Variants in EIF1AX observed in about 807,000 individuals in gnomAD.
EIF1AX encodes eukaryotic translation initiation factor 1A X-linked, also known as eukaryotic translation initiation factor 1A, X-chromosomal.
EIF1AX carries 1 observed loss-of-function variant against 16.1 expected under a neutral mutation model. That is an observed-to-expected ratio of 0.06 (90% CI 0.02 to 0.30). EIF1AX has a LOEUF of 0.30. Ranked by LOEUF, EIF1AX falls within the 10% of genes least tolerant of loss-of-function variation. The pLI is 1.00. For missense variants in EIF1AX, 11 were observed against 109.1 expected, an observed-to-expected ratio of 0.10 and a Z score of 4.00; for synonymous variants, 32 against 37.3, an observed-to-expected ratio of 0.86 and a Z score of 0.51.
intron 4 of EIF1AX, among the ~76,000 whole-genome samples, chrX:20,133,755 T>C (rs2067007762): frequency 8.9e-6 from 1 of 111,906 alleles, no homozygotes; most frequent in Non-Finnish European, 1.9e-5. Context: ...CTTAACTCTC[T>C]CCACTACCAG....
Position 20,126,046 on chromosome X carries a change from G to C in EIF1AX, c.*2260C>G, listed in dbSNP as rs1264400176. On this transcript the variant is annotated 3_prime_UTR_variant, in exon 7 of 7. Coordinates refer to ENST00000379607, the MANE Select transcript of EIF1AX (RefSeq NM_001412.4). ...TCTAACTGCAAGTGGAATAAACATTGCAACAAAAATGCAACCCAATCAAAA... is the reference window on the plus strand; with the variant it reads ...TCTAACTGCAAGTGGAATAAACATTCCAACAAAAATGCAACCCAATCAAAA... The C allele has an allele frequency of 7.7e-6, 1 of 130,028 alleles. No homozygotes were observed. The highest frequency in any genetic ancestry group is 3.4e-5 in the African/African-American group (1 of 29,792). 10.7% of individuals were successfully genotyped at this position (130,028 alleles called of 1,213,427 possible).
At position 20,124,953 on chromosome X, in the gene EIF1AX, A is replaced by C; in HGVS notation, c.*3353T>G. 1 of 150,818 alleles carries C rather than the reference A, an allele frequency of 6.6e-6. No individual in the cohort carries two copies. The highest frequency in any genetic ancestry group is 1.0e-4 in the East Asian group (1 of 9,642). 12.4% of individuals were successfully genotyped at this position (150,818 alleles called of 1,213,427 possible). On this transcript the variant is annotated 3_prime_UTR_variant, in exon 7 of 7. Transcript: ENST00000379607. Reference sequence around the variant, plus strand: ...ACAGAAGACATGCACCTTCTATCTTACATAGTACTGGATATCAAGTGAAAA... The same window carrying C: ...ACAGAAGACATGCACCTTCTATCTTCCATAGTACTGGATATCAAGTGAAAA...
chrX:20,132,442 G>A (rs1181546120), intron 4 of EIF1AX, among the ~76,000 whole-genome samples, 179 bp from the exon 5 acceptor site: 1 of 111,712 alleles, frequency 9.0e-6, no homozygotes, highest in East Asian at 2.8e-4. Context: ...TAACCCAAGA[G>A]GAAGCTTATG....
chrX:20,134,393 A>C (rs1341308138), intron 3 of EIF1AX, among the ~76,000 whole-genome samples: 1 of 110,769 alleles, frequency 9.0e-6, no homozygotes, highest in African/African-American at 3.3e-5. Flanking sequence ...GTCTCAAAAA[A>C]ACAAATAAAT....
intron 5 of EIF1AX, 103 bp from the exon 6 acceptor site, chrX:20,130,710 T>C (rs1221647590): frequency 1.2e-6 from 1 of 809,829 alleles, no homozygotes; most frequent in South Asian, 5.2e-5. Context: ...ATAAAGAATA[T>C]TTTATGAAAA....
chrX:20,134,457 G>C (rs961290451), intron 3 of EIF1AX, among the ~76,000 whole-genome samples: 9 of 111,202 alleles, frequency 8.1e-5, no homozygotes, highest in African/African-American at 2.9e-4. Flanking sequence ...TTTTAGTTTG[G>C]GCTGGCATTG....
Position 20,130,657 on chromosome X carries a change from A to T in EIF1AX, c.338-50T>A, listed in dbSNP as rs755662616. ...ATAAGTCAGCACTGTAATTTACTCA[A>T]AGTTTCATCATAAGAGCATTCCTTT... On this transcript the variant is annotated intron_variant, in intron 5 of 6. Coordinates refer to ENST00000379607, the MANE Select transcript of EIF1AX (RefSeq NM_001412.4). 12 of 1,079,995 alleles carry T rather than the reference A, an allele frequency of 1.1e-5. No homozygotes were observed. The East Asian group carries it at 4.0e-4, about 36-fold the overall frequency. The allele number at this position is 1,079,995 out of a possible 1,213,427, so 89.0% of individuals were successfully genotyped here.
intron 3 of EIF1AX, among the ~76,000 whole-genome samples, chrX:20,135,010 A>G (rs1569174076): frequency 9.0e-6 from 1 of 111,375 alleles, no homozygotes; most frequent in Non-Finnish European, 1.9e-5. Context: ...TATATGTCCA[A>G]TTCCTAAATC....
In EIF1AX at chrX:20,130,516, G is replaced by A. The variant is rs768926880; in HGVS notation, c.429C>T (p.Asp143=). 2.7e-5 allele frequency: 32 copies of A among 1,185,166 alleles called. No homozygotes were observed. The highest frequency in any genetic ancestry group is 9.2e-5 in the East Asian group (3 of 32,675). Residue 143 remains aspartate (D), a splice_region_variant and synonymous_variant, in exon 6 of 7, where the codon GAC becomes GAT. Transcript: ENST00000379607. ...DIGDDDEDID[D]I The stretch of plus-strand genomic sequence containing the variant: ...GAAAACACAAGGTACATCTACTTAC[G>A]TCATCAATATCTTCATCATCATCTC...
intron 2 of EIF1AX, chrX:20,136,414 T>A (rs999954105): frequency 3.7e-6 from 1 of 273,078 alleles, no homozygotes; most frequent in Non-Finnish European, 7.1e-6. Context: ...TCTCAGAGAA[T>A]GTAATGCCAT....
intron 4 of EIF1AX, 31 bp from the exon 5 acceptor site, chrX:20,132,294 T>A: frequency 1.1e-6 from 1 of 949,725 alleles, no homozygotes; most frequent in African/African-American, 1.9e-5. Flanking sequence ...TTTAAAAAAC[T>A]GATCATAACA....
chrX:20,130,758 G>T, intron 5 of EIF1AX, 151 bp from the exon 6 acceptor site: 1 of 477,371 alleles, frequency 2.1e-6, no homozygotes, highest in Non-Finnish European at 3.1e-6. Flanking sequence ...CAAGATGGGA[G>T]TATCTGTGTT....
Position 20,125,613 on chromosome X carries a change from A to G in EIF1AX, c.*2693T>C. 1 of 168,060 alleles carries G rather than the reference A, an allele frequency of 6.0e-6. No homozygotes were observed. Among genetic ancestry groups the G allele is most frequent in the Non-Finnish European group, 1.2e-5 (1 of 86,839 alleles). The allele number at this position is 168,060 out of a possible 1,213,427, so 13.9% of individuals were successfully genotyped here. On this transcript the variant is annotated 3_prime_UTR_variant, in exon 7 of 7. Coordinates refer to ENST00000379607, the MANE Select transcript of EIF1AX (RefSeq NM_001412.4). ...GTTGTTGTTAAGTCTGTATACAAGT[A>G]AAGTATAAATCTAGCTATTTTACTC... is the stretch of plus-strand genomic sequence containing the variant.
intron 3 of EIF1AX, among the ~76,000 whole-genome samples, chrX:20,135,006 T>C (rs750804678): frequency 9.0e-6 from 1 of 111,439 alleles, no homozygotes; most frequent in South Asian, 3.7e-4. Flanking sequence ...CAGCTATATG[T>C]CCAATTCCTA....
intron 4 of EIF1AX, 42 bp from the exon 5 acceptor site, chrX:20,132,305 AAAT>A (rs780755961): frequency 2.0e-5 from 17 of 832,307 alleles, no homozygotes; most frequent in Non-Finnish European, 3.0e-5. Context: ...GATCATAACA[AAAT>A]ATTATCAGTT....
At position 20,126,890 on chromosome X, in the gene EIF1AX, G is replaced by A. The variant is rs1411543672; in HGVS notation, c.*1416C>T. On this transcript the variant is annotated 3_prime_UTR_variant, in exon 7 of 7. Coordinates refer to ENST00000379607, the MANE Select transcript of EIF1AX (RefSeq NM_001412.4). ...CACTTAGGAAATTATAGTAAGAGTA[G>A]ATTAGAGAAGATTTGCTTGTTTTCC... 6.8e-6 allele frequency: 1 copy of A among 147,844 alleles called. No homozygotes were observed. Among genetic ancestry groups the A allele is most frequent in the Admixed American group, 8.5e-5 (1 of 11,824 alleles). The allele number at this position is 147,844 out of a possible 1,213,427, so 12.2% of individuals were successfully genotyped here.
chrX:20,130,413 T>G, intron 6 of EIF1AX, 103 bp downstream of exon 6: 2 of 827,210 alleles, frequency 2.4e-6, no homozygotes, highest in Non-Finnish European at 3.1e-6. Flanking sequence ...AATACAACCT[T>G]ATTTAAGTGT....
intron 3 of EIF1AX, among the ~76,000 whole-genome samples, chrX:20,134,248 C>T (rs1204298066): frequency 9.0e-6 from 1 of 110,756 alleles, no homozygotes; most frequent in Non-Finnish European, 1.9e-5. Flanking sequence ...ATTAGCTGGG[C>T]GTGGTGGCAT....
Position 20,126,883 on chromosome X carries a change from AAGAGTAGATT to A in EIF1AX, c.*1413_*1422del, listed in dbSNP as rs1330719557. On this transcript the variant is annotated 3_prime_UTR_variant, in exon 7 of 7. Coordinates refer to ENST00000379607, the MANE Select transcript of EIF1AX (RefSeq NM_001412.4). ...TGGTGTACACTTAGGAAATTATAGT[AAGAGTAGATT>A]AGAGAAGATTTGCTTGTTTTCCTTT... 1 of 147,141 alleles carries A rather than the reference AAGAGTAGATT, an allele frequency of 6.8e-6. No homozygotes were observed. Among genetic ancestry groups the A allele is most frequent in the Non-Finnish European group, 1.4e-5 (1 of 73,306 alleles). 12.1% of individuals were successfully genotyped at this position (147,141 alleles called of 1,213,427 possible). A position where few individuals can be genotyped will look rare whatever the true frequency, so the allele number is the denominator to read the frequency against.
Sources: allele counts gnomAD v4.1 joint callset (sites outside exome capture counted in the v4.1 genomes callset), GRCh38; gene constraint gnomAD v4.1.1; transcripts MANE v1.5; gene names NCBI Gene and HGNC (gene_info 2026-07-23, HGNC 2026-07-21).